The following SLC25A48 variants were observed in gnomAD, a reference collection of about 807,000 sequenced individuals.
SLC25A48 encodes the protein CTC-321K16.1.
Under a neutral mutation model 32.2 loss-of-function variants are expected in SLC25A48, and 29 were observed. That is an observed-to-expected ratio of 0.90 (90% confidence interval 0.67 to 1.23). The LOEUF is 1.23. SLC25A48 is among the 50% of genes most tolerant of loss of function. The probability of loss-of-function intolerance (pLI) is 0.00; values close to 1 mark genes in which losing one functional copy is unlikely to be tolerated. For missense variants in SLC25A48, 399 were observed against 422.7 expected, an observed-to-expected ratio of 0.94 and a Z score of 0.49; for synonymous variants, 164 against 172.3, an observed-to-expected ratio of 0.95 and a Z score of 0.38.
At chr5:135,737,449 G>A (rs997691837) in intron 3 of SLC25A48, among the ~76,000 whole-genome samples, 1 of 152,190 alleles carries the variant, frequency 6.6e-6, no homozygotes, top group African/African-American at 2.4e-5. Flanking sequence ...CAGGTCACAG[G>A]GGATATGATG....
chr5:135,690,492 T>A (rs773152889), intron 3 of SLC25A48, among the ~76,000 whole-genome samples: 3 of 152,128 alleles, frequency 2.0e-5, no homozygotes, highest in Non-Finnish European at 4.4e-5. Context: ...CATGAGTGAT[T>A]CTAGAAATAA....
At chr5:135,852,884 A>G in intron 4 of SLC25A48, 63 bp downstream of exon 4, 1 of 1,542,392 alleles carries the variant, frequency 6.5e-7, no homozygotes, top group African/African-American at 1.4e-5. Flanking sequence ...GGTTTGTGGG[A>G]TCTGGGACAT....
Position 135,852,594 on chromosome 5 carries a change from C to T in SLC25A48, c.194C>T (p.Pro65Leu), listed in dbSNP as rs757640243. The change falls in exon 4 of 8, where the codon CCC (proline) becomes CTC (leucine). Residue 65 changes from proline to leucine, a missense_variant. Physicochemically the swap from Pro to Leu is moderately conservative, Grantham distance 98. Transcript: ENST00000681962. The part of the protein sequence containing the change: ...MFGFFKGMSF[P>L]LASIAVYNSV... ...GGCTTCTTCAAGGGCATGTCCTTCC[C>T]CCTCGCCAGCATTGCCGTCTACAAC... 2 of 1,602,586 alleles carry T rather than the reference C, an allele frequency of 1.2e-6. No individual in the cohort carries two copies. The highest frequency in any genetic ancestry group is 2.2e-5 in the East Asian group (1 of 44,522).
intron 3 of SLC25A48, among the ~76,000 whole-genome samples, chr5:135,738,021 A>G (rs969176180): frequency 6.6e-6 from 1 of 152,166 alleles, no homozygotes; most frequent in Non-Finnish European, 1.5e-5. Flanking sequence ...TGATGTGTCA[A>G]TGATCCACGG....
chr5:135,816,091 C>T lies in SLC25A48; in HGVS notation c.-117+3165C>T, dbSNP rs115055020. Among the ~76,000 whole-genome samples, 1,474 of 152,118 alleles carry T rather than the reference C, an allele frequency of 9.7e-3. 30 individuals are homozygous for T. The highest frequency in any genetic ancestry group is 0.034 in the African/African-American group (1,398 of 41,482). Reference sequence around the variant, plus strand: ...TCGCATGGTGGCAGGAGAGAGAGAGCGTGCAGGGAAAGCTGCTATTTTTAA... The same window carrying T: ...TCGCATGGTGGCAGGAGAGAGAGAGTGTGCAGGGAAAGCTGCTATTTTTAA... On this transcript the variant is annotated intron_variant, in intron 4 of 10. Coordinates refer to the SLC25A48 transcript ENST00000646290.
At chr5:135,681,095 C>T (rs1753887314) in intron 3 of SLC25A48, among the ~76,000 whole-genome samples, 1 of 152,166 alleles carries the variant, frequency 6.6e-6, no homozygotes, top group Non-Finnish European at 1.5e-5. Flanking sequence ...AAGTGATTCT[C>T]CTGCCTCAGC....
chr5:135,768,493 C>T (rs919491759), intron 3 of SLC25A48, among the ~76,000 whole-genome samples: 4 of 150,762 alleles, frequency 2.7e-5, no homozygotes, highest in African/African-American at 7.3e-5. Flanking sequence ...TTCTGTGATA[C>T]GTTTCATAAT....
intron 3 of SLC25A48, among the ~76,000 whole-genome samples, chr5:135,744,412 A>G (rs549061431): frequency 1.0e-4 from 15 of 147,702 alleles, no homozygotes; most frequent in South Asian, 6.5e-4. Context: ...GGGCAGTGGC[A>G]TGATCTCAGC....
At chr5:135,739,019 T>A (rs1755442377) in intron 3 of SLC25A48, among the ~76,000 whole-genome samples, 1 of 152,132 alleles carries the variant, frequency 6.6e-6, no homozygotes, top group Admixed American at 6.5e-5. Flanking sequence ...GAGGCAGAGG[T>A]TGCAGTGAGC....
At chr5:135,687,264 A>C (rs770721058) in intron 3 of SLC25A48, among the ~76,000 whole-genome samples, 3 of 152,236 alleles carry the variant, frequency 2.0e-5, no homozygotes, top group African/African-American at 7.2e-5. Flanking sequence ...TTTACCACCT[A>C]TATATTTGGA....
At chr5:135,768,221 TACTC>T (rs1756299229) in intron 3 of SLC25A48, among the ~76,000 whole-genome samples, 1 of 138,484 alleles carries the variant, frequency 7.2e-6, no homozygotes, top group Non-Finnish European at 1.6e-5. Flanking sequence ...TTTTTCATAA[TACTC>T]AGCGGGAAAG....
At chr5:135,759,787 G>A (rs906265059) in intron 3 of SLC25A48, among the ~76,000 whole-genome samples, 3 of 151,928 alleles carry the variant, frequency 2.0e-5, no homozygotes, top group Non-Finnish European at 4.4e-5. Flanking sequence ...AAGAAGCTGC[G>A]GGATTGAAGA....
intron 1 of SLC25A48, among the ~76,000 whole-genome samples, chr5:135,835,729 G>C (rs1156532635): frequency 7.1e-6 from 1 of 140,492 alleles, no homozygotes; most frequent in South Asian, 2.3e-4. Flanking sequence ...CCATCTAAAA[G>C]GGTTATCCTA....
chr5:135,760,169 G>A lies in SLC25A48; in HGVS notation c.-520-52354G>A, dbSNP rs575251895. 4.6e-5 allele frequency among the ~76,000 whole-genome samples: 7 copies of A among 152,144 alleles called. No homozygotes were observed. The South Asian group carries it at 1.5e-3, about 32-fold the overall frequency. On this transcript the variant is annotated intron_variant, in intron 3 of 10. Coordinates refer to the SLC25A48 transcript ENST00000646290. ...CATCTTGATGATTTCTCGCTCCTAC[G>A]GACCTCTTGTTATACACTTTATTAC...
chr5:135,603,545 C>A (rs929094407), intron 1 of SLC25A48, among the ~76,000 whole-genome samples: 1 of 152,210 alleles, frequency 6.6e-6, no homozygotes, highest in Non-Finnish European at 1.5e-5. Flanking sequence ...CCTCTGACGG[C>A]CCCTCCCTGT....
At chr5:135,836,125 C>T (rs1758482384) in intron 1 of SLC25A48, among the ~76,000 whole-genome samples, 2 of 152,150 alleles carry the variant, frequency 1.3e-5, no homozygotes, top group Admixed American at 6.5e-5. Flanking sequence ...AGACCACCTT[C>T]GGTAGGGATG....
chr5:135,755,914 AT>A (rs1352259887), intron 3 of SLC25A48, among the ~76,000 whole-genome samples: 3 of 152,050 alleles, frequency 2.0e-5, no homozygotes, highest in African/African-American at 7.2e-5. Flanking sequence ...GTAATAAAAT[AT>A]CTCTGTGGCA....
intron 3 of SLC25A48, among the ~76,000 whole-genome samples, chr5:135,651,441 A>C (rs1433508404): frequency 6.6e-6 from 1 of 152,110 alleles, no homozygotes; most frequent in Non-Finnish European, 1.5e-5. Context: ...CTGACACCTT[A>C]GTAGGCAGAT....
intron 4 of SLC25A48, chr5:135,826,823 G>A (rs1758070185): frequency 6.6e-6 from 1 of 152,364 alleles, no homozygotes; most frequent in Non-Finnish European, 1.5e-5. Context: ...AAGTACTTAA[G>A]CACCTCCTCA....
Sources: gnomAD v4.1 joint callset for allele counts (sites outside exome capture counted in the v4.1 genomes callset) on GRCh38, gnomAD v4.1.1 for gene constraint, MANE v1.5 for transcripts, NCBI Gene and HGNC (gene_info 2026-07-23, HGNC 2026-07-21) for gene names.